Variants in FAM107B observed in about 807,000 individuals in gnomAD.
The protein encoded by FAM107B is protein FAM107B.
FAM107B carries 21 observed loss-of-function variants against 31.5 expected under a neutral mutation model. The observed-to-expected ratio is 0.67, with a 90% confidence interval of 0.47 to 0.96. The LOEUF (loss-of-function observed/expected upper bound fraction) is 0.96. FAM107B is among the 40% of genes least tolerant of loss of function. The probability of loss-of-function intolerance (pLI) is 0.00; values close to 1 mark genes in which losing one functional copy is unlikely to be tolerated. For synonymous variants in FAM107B, 157 were observed against 141.5 expected, an observed-to-expected ratio of 1.11 and a Z score of -0.78; for missense variants, 452 against 377.1, an observed-to-expected ratio of 1.20 and a Z score of -1.64.
At chr10:14,557,459 T>C (rs185200493) in intron 2 of FAM107B, among the ~76,000 whole-genome samples, 1 of 152,348 alleles carries the variant, frequency 6.6e-6, no homozygotes, top group East Asian at 1.9e-4. Flanking sequence ...TGGGCATAAT[T>C]ATTAATTTCT....
intron 2 of FAM107B, among the ~76,000 whole-genome samples, chr10:14,595,725 G>A (rs2131354999): frequency 6.6e-6 from 1 of 152,238 alleles, no homozygotes; most frequent in South Asian, 2.1e-4. Context: ...AGGCTGATGT[G>A]AACATCATAA....
intron 2 of FAM107B, among the ~76,000 whole-genome samples, chr10:14,664,600 T>C (rs1186661635): frequency 6.6e-6 from 1 of 152,204 alleles, no homozygotes; most frequent in Non-Finnish European, 1.5e-5. Flanking sequence ...ATAGGCTACA[T>C]CATATAGCCT....
At chr10:14,771,701 G>A (rs1042971665) in intron 1 of FAM107B, among the ~76,000 whole-genome samples, 2 of 152,138 alleles carry the variant, frequency 1.3e-5, no homozygotes, top group Non-Finnish European at 2.9e-5. Context: ...CATTTTTGTA[G>A]AGATGAACCT....
Position 14,774,447 on chromosome 10 carries a change from G to A in FAM107B, c.217C>T (p.Pro73Ser). ...QPRHPSAEGA[P>S]EKRQDSSTHA... ...GTGCTCGAATCTTGCCTTTTCTCTG[G>A]AGCTCCTTCTGCGCTTGGGTGTCTT... Residue 73 changes from proline (P) to serine (S), a missense_variant, in exon 1 of 5, where the codon CCA becomes TCA. Transcript: ENST00000181796. The A allele has an allele frequency of 1.9e-6, 3 of 1,614,144 alleles. No homozygotes were observed. The highest frequency in any genetic ancestry group is 1.7e-5 in the Admixed American group (1 of 60,022).
At chr10:14,768,591 A>C (rs1000748958) in intron 1 of FAM107B, among the ~76,000 whole-genome samples, 3 of 152,246 alleles carry the variant, frequency 2.0e-5, no homozygotes, top group African/African-American at 7.2e-5. Context: ...ATCTACATGC[A>C]AAAGAATGAT....
intron 2 of FAM107B, among the ~76,000 whole-genome samples, chr10:14,543,442 G>T (rs1321000171): frequency 6.6e-6 from 1 of 152,090 alleles, no homozygotes; most frequent in African/African-American, 2.4e-5. Context: ...TCGGCCTCCT[G>T]AGCTCGGGAG....
intron 2 of FAM107B, among the ~76,000 whole-genome samples, chr10:14,629,735 G>A (rs561726471): frequency 2.0e-5 from 3 of 150,378 alleles, no homozygotes; most frequent in African/African-American, 4.9e-5. Context: ...GGATGGTCTT[G>A]ATCTCCTGAC....
intron 2 of FAM107B, among the ~76,000 whole-genome samples, chr10:14,599,455 A>C (rs935501669): frequency 1.1e-4 from 16 of 152,294 alleles, no homozygotes; most frequent in African/African-American, 3.9e-4. Flanking sequence ...CACGCCCCCA[A>C]CACCACTACA....
chr10:14,525,706 C>T (rs531427002), intron 3 of FAM107B, among the ~76,000 whole-genome samples: 129 of 152,310 alleles, frequency 8.5e-4, no homozygotes, highest in Middle Eastern at 3.4e-3. Flanking sequence ...CAACTGTTCA[C>T]TATTAAAAAC....
intron 1 of FAM107B, among the ~76,000 whole-genome samples, chr10:14,742,683 A>G (rs1832642706): frequency 6.6e-6 from 1 of 152,194 alleles, no homozygotes; most frequent in Non-Finnish European, 1.5e-5. Flanking sequence ...CTGCCTGGCA[A>G]GAAGATGCTG....
chr10:14,703,432 T>A (rs1855449929), intron 1 of FAM107B, among the ~76,000 whole-genome samples: 1 of 150,798 alleles, frequency 6.6e-6, no homozygotes, highest in African/African-American at 2.4e-5. Context: ...CGCCTCTGGG[T>A]TCAAGCAATT....
At chr10:14,617,624 C>G (rs936237106) in intron 2 of FAM107B, among the ~76,000 whole-genome samples, 2 of 152,066 alleles carry the variant, frequency 1.3e-5, no homozygotes, top group African/African-American at 4.8e-5. Flanking sequence ...ACTGTGTGCT[C>G]AGAGCTTCAA....
chr10:14,659,559 C>G (rs1588689446), intron 2 of FAM107B, among the ~76,000 whole-genome samples: 1 of 152,170 alleles, frequency 6.6e-6, no homozygotes, highest in East Asian at 1.9e-4. Context: ...ACCTTCCTAC[C>G]TCAACTGTTT....
chr10:14,632,909 C>T (rs117403412), intron 2 of FAM107B, among the ~76,000 whole-genome samples: 2,135 of 151,646 alleles, frequency 0.014, 32 homozygotes, highest in Non-Finnish European at 0.017. Flanking sequence ...TAAAATCATA[C>T]AGCTGGAGGC....
chr10:14,599,396 C>T (rs577253780), intron 2 of FAM107B, among the ~76,000 whole-genome samples: 48 of 152,342 alleles, frequency 3.2e-4, no homozygotes, highest in African/African-American at 1.1e-3. Flanking sequence ...AACCCCAAGA[C>T]TTTGCTGTGT....
At chr10:14,703,714 T>C (rs1855457027) in intron 1 of FAM107B, among the ~76,000 whole-genome samples, 1 of 152,228 alleles carries the variant, frequency 6.6e-6, no homozygotes, top group African/African-American at 2.4e-5. Flanking sequence ...TAAGTCTTCT[T>C]TGAATTATAA....
chr10:14,590,537 C>G (rs1851981012), intron 2 of FAM107B, among the ~76,000 whole-genome samples: 1 of 152,164 alleles, frequency 6.6e-6, no homozygotes, highest in Admixed American at 6.5e-5. Flanking sequence ...CACCGTGCAG[C>G]CTGGTGCTGA....
At chr10:14,561,088 G>A (rs1169005890) in intron 2 of FAM107B, among the ~76,000 whole-genome samples, 1 of 152,216 alleles carries the variant, frequency 6.6e-6, no homozygotes, top group East Asian at 1.9e-4. Context: ...GACACCTGGC[G>A]AGTAAATGCC....
intron 1 of FAM107B, among the ~76,000 whole-genome samples, chr10:14,673,042 T>C (rs1564621397): frequency 6.6e-6 from 1 of 152,250 alleles, no homozygotes; most frequent in African/African-American, 2.4e-5. Context: ...TATGTGTACA[T>C]GTGATATTTC....
Sources: allele counts gnomAD v4.1 joint callset (sites outside exome capture counted in the v4.1 genomes callset), GRCh38; gene constraint gnomAD v4.1.1; transcripts MANE v1.5; gene names NCBI Gene and HGNC (gene_info 2026-07-23, HGNC 2026-07-21).